Variants in CPLX2 observed in about 807,000 individuals in gnomAD.
CPLX2 encodes the protein complexin-2.
A neutral mutation model predicts 16.3 loss-of-function variants in CPLX2; 5 were observed. That is an observed-to-expected ratio of 0.31 (90% CI 0.16 to 0.64). The LOEUF (loss-of-function observed/expected upper bound fraction) is 0.64. Among genes scored for constraint, CPLX2 ranks in the 30% least tolerant of loss-of-function variants. The pLI is 0.79. For missense variants in CPLX2, 144 were observed against 181.4 expected, an observed-to-expected ratio of 0.79 and a Z score of 1.18; for synonymous variants, 89 against 73.2, an observed-to-expected ratio of 1.22 and a Z score of -1.10.
intron 1 of CPLX2, among the ~76,000 whole-genome samples, chr5:175,808,716 C>A (rs1758258518): frequency 6.6e-6 from 1 of 152,186 alleles, no homozygotes; most frequent in South Asian, 2.1e-4. Flanking sequence ...ATTGTACTAC[C>A]ACCAAAGTAC....
chr5:175,816,221 G>A (rs1218858861), intron 2 of CPLX2, among the ~76,000 whole-genome samples: 1 of 151,982 alleles, frequency 6.6e-6, no homozygotes, highest in Non-Finnish European at 1.5e-5. Flanking sequence ...AGGCTGGAGT[G>A]CAGTGGTGCA....
At chr5:175,869,384 T>C (rs926611033), upstream of CPLX2, among the ~76,000 whole-genome samples, 9 of 152,186 alleles carry the variant, frequency 5.9e-5, no homozygotes, top group South Asian at 2.1e-4. Flanking sequence ...CTTCCAGAGA[T>C]AGAGAACCCA....
At chr5:175,817,057 C>G (rs1410732748) in intron 2 of CPLX2, among the ~76,000 whole-genome samples, 1 of 152,252 alleles carries the variant, frequency 6.6e-6, no homozygotes, top group Non-Finnish European at 1.5e-5. Flanking sequence ...GATACCGACC[C>G]TCACTGCTCT....
chr5:175,824,718 C>T (rs147168885), intron 2 of CPLX2, among the ~76,000 whole-genome samples: 9 of 152,354 alleles, frequency 5.9e-5, no homozygotes, highest in African/African-American at 1.9e-4. Flanking sequence ...CTTGTTCTCA[C>T]ACAACAACTC....
chr5:175,819,074 T>G (rs1336948200), intron 2 of CPLX2, among the ~76,000 whole-genome samples: 1 of 152,208 alleles, frequency 6.6e-6, no homozygotes, highest in Non-Finnish European at 1.5e-5. Context: ...AGTTGTTGCA[T>G]GTGGTTGTCA....
chr5:175,799,687 TTTA>T (rs1227550751), intron 1 of CPLX2, among the ~76,000 whole-genome samples: 3 of 150,396 alleles, frequency 2.0e-5, no homozygotes, highest in African/African-American at 7.4e-5. Flanking sequence ...AGCTATTTTT[TTTA>T]TTTTTTTTAT....
intron 1 of CPLX2, among the ~76,000 whole-genome samples, chr5:175,875,473 A>G (rs1288587173): frequency 6.6e-6 from 1 of 152,234 alleles, no homozygotes; most frequent in Non-Finnish European, 1.5e-5. Flanking sequence ...CAGCATGTGC[A>G]AACACATCCC....
At chr5:175,865,081 TGC>T (rs10586362) in intron 2 of CPLX2, among the ~76,000 whole-genome samples, 91,015 of 147,814 alleles carry the variant, frequency 0.62, 28,103 homozygotes, top group East Asian at 0.94. Flanking sequence ...TGCACGCATG[TGC>T]GCGCGCGCAC....
In CPLX2 at chr5:175,849,237, G is replaced by C. The variant is rs1048227263; in HGVS notation, c.-88-29415G>C. On this transcript the variant is annotated intron_variant, in intron 2 of 4. Transcript: ENST00000359546. This position sits in a 1 kb window ranked among gnomAD's most constrained non-coding sequence, Gnocchi z 4.4. Reference sequence around the variant, plus strand: ...TTGCTTGTTTGGGTGGCACTGACCTGTCCATTGTCACCAGCCAGCAGCTCA... The same window carrying C: ...TTGCTTGTTTGGGTGGCACTGACCTCTCCATTGTCACCAGCCAGCAGCTCA... Among the ~76,000 whole-genome samples, 9 of 152,148 alleles carry C rather than the reference G, an allele frequency of 5.9e-5. No individual in the cohort carries two copies. The highest frequency in any genetic ancestry group is 4.6e-4 in the Admixed American group (7 of 15,270).
intron 1 of CPLX2, chr5:175,805,390 T>C (rs1758178783): frequency 6.6e-6 from 1 of 152,164 alleles, no homozygotes; most frequent in Non-Finnish European, 1.5e-5. Flanking sequence ...ATGGAAAATA[T>C]AAAAAATGGG....
chr5:175,860,417 A>G (rs796799739), intron 2 of CPLX2, among the ~76,000 whole-genome samples: 1 of 142,724 alleles, frequency 7.0e-6, no homozygotes, highest in Non-Finnish European at 1.5e-5. Flanking sequence ...AAAAATAAAG[A>G]AAGGAAGGAA....
intron 2 of CPLX2, among the ~76,000 whole-genome samples, chr5:175,864,421 G>C (rs557113078): frequency 1.3e-5 from 2 of 152,280 alleles, no homozygotes; most frequent in South Asian, 4.1e-4. Context: ...TGCAAGCTGT[G>C]TGTGTTTGAT....
chr5:175,849,628 G>A lies in CPLX2; in HGVS notation c.-88-29024G>A, dbSNP rs1467331279. ...GCCTTCTCAGGGAGAGAAGAGGAGA[G>A]GCTCCTGGAGAGAAGCCCTCTGCCG... On this transcript the variant is annotated intron_variant, in intron 2 of 4. Transcript: ENST00000359546. The surrounding 1 kb of genome is among the most constrained non-coding windows in gnomAD (Gnocchi z 4.4). Among the ~76,000 whole-genome samples the A allele has an allele frequency of 2.6e-5, 4 of 152,148 alleles. No individual in the cohort carries two copies. In the South Asian group the frequency reaches 8.3e-4, roughly 32 times the overall value.
intron 2 of CPLX2, among the ~76,000 whole-genome samples, chr5:175,821,683 C>T (rs1446599860): frequency 1.3e-5 from 2 of 152,264 alleles, no homozygotes; most frequent in African/African-American, 4.8e-5. Context: ...GCTGGGATTA[C>T]AGGCGTGAGC....
chr5:175,857,279 G>A (rs1033387219), intron 2 of CPLX2, among the ~76,000 whole-genome samples: 7 of 152,110 alleles, frequency 4.6e-5, no homozygotes, highest in African/African-American at 1.4e-4. Context: ...TTCAGGTCAG[G>A]CTCAGATGTC....
chr5:175,814,371 C>T (rs1002967185), intron 2 of CPLX2, among the ~76,000 whole-genome samples: 3 of 152,230 alleles, frequency 2.0e-5, no homozygotes, highest in African/African-American at 7.2e-5. Context: ...TCAGGGCTAC[C>T]ACCAGAGGGT....
chr5:175,829,010 C>T (rs1223546614), intron 2 of CPLX2, among the ~76,000 whole-genome samples: 1 of 152,066 alleles, frequency 6.6e-6, no homozygotes, highest in East Asian at 1.9e-4. Context: ...CTGACTGGGC[C>T]TCTCCCACCT....
At chr5:175,806,238 T>C (rs1463775782) in intron 1 of CPLX2, among the ~76,000 whole-genome samples, 2 of 150,746 alleles carry the variant, frequency 1.3e-5, no homozygotes, top group Admixed American at 6.6e-5. Flanking sequence ...GCCACCTTCC[T>C]CCCAGTTCCC....
At chr5:175,823,150 A>G (rs1758544073) in intron 2 of CPLX2, among the ~76,000 whole-genome samples, 1 of 152,220 alleles carries the variant, frequency 6.6e-6, no homozygotes, top group African/African-American at 2.4e-5. Context: ...TTATTATACT[A>G]TTCTATTTGC....
Sources: gnomAD v4.1 joint callset for allele counts (sites outside exome capture counted in the v4.1 genomes callset) on GRCh38, gnomAD v4.1.1 for gene constraint, Gnocchi (gnomAD v3.1) non-coding constraint, MANE v1.5 for transcripts, NCBI Gene and HGNC (gene_info 2026-07-23, HGNC 2026-07-21) for gene names.